The following LINGO2 variants were observed in gnomAD, a reference collection of about 807,000 sequenced individuals.
LINGO2 encodes leucine-rich repeat and immunoglobulin-like domain-containing nogo receptor-interacting protein 2.
Under a neutral mutation model 30.6 loss-of-function variants are expected in LINGO2, and 14 were observed. That is an observed-to-expected ratio of 0.46 (90% confidence interval 0.30 to 0.72). LINGO2 has a LOEUF of 0.72. LINGO2 is among the 30% of genes least tolerant of loss of function. LINGO2 has a pLI of 0.07. For missense variants in LINGO2, 729 were observed against 751.7 expected, an observed-to-expected ratio of 0.97 and a Z score of 0.35; for synonymous variants, 317 against 288.5, an observed-to-expected ratio of 1.10 and a Z score of -1.00.
At chr9:28,080,120 T>C (rs538757163) in intron 4 of LINGO2, among the ~76,000 whole-genome samples, 1 of 152,360 alleles carries the variant, frequency 6.6e-6, no homozygotes, top group South Asian at 2.1e-4. Context: ...AGGCTTTCTA[T>C]CTGATTCTCT....
At chr9:28,288,188 A>G (rs1010307582) in intron 4 of LINGO2, among the ~76,000 whole-genome samples, 34 of 152,260 alleles carry the variant, frequency 2.2e-4, no homozygotes, top group South Asian at 4.1e-4. Flanking sequence ...GTATGTAAAA[A>G]CACTACAGTC....
At chr9:29,045,057 T>C in the LINGO2 span, among the ~76,000 whole-genome samples, 3 of 152,110 alleles carry the variant, frequency 2.0e-5, no homozygotes, top group African/African-American at 7.2e-5. Context: ...GATGAGATTT[T>C]TACAACAGTT....
At chr9:27,974,986 A>G (rs191172445) in intron 5 of LINGO2, among the ~76,000 whole-genome samples, 2 of 152,098 alleles carry the variant, frequency 1.3e-5, no homozygotes, top group East Asian at 1.9e-4. Context: ...CCCCAGACAT[A>G]CTCCACATTG....
At chr9:28,224,477 C>T (rs757605709) in intron 4 of LINGO2, among the ~76,000 whole-genome samples, 5 of 152,118 alleles carry the variant, frequency 3.3e-5, no homozygotes, top group African/African-American at 4.8e-5. Context: ...TATCCATCAT[C>T]GCCACAAATA....
exon 6 of LINGO2, chr9:27,948,783 T>C: frequency 6.6e-7 from 1 of 1,507,484 alleles, no homozygotes; most frequent in Non-Finnish European, 8.9e-7. Flanking sequence ...ATCTAGTAAT[T>C]TACTGTGCCA....
the LINGO2 span, among the ~76,000 whole-genome samples, chr9:28,876,269 C>A: frequency 6.6e-6 from 1 of 151,792 alleles, no homozygotes; most frequent in Non-Finnish European, 1.5e-5. Context: ...TTTTATTATA[C>A]TTTAAGTTTT....
At chr9:28,591,737 A>G (rs2135709121) in intron 1 of LINGO2, among the ~76,000 whole-genome samples, 1 of 152,100 alleles carries the variant, frequency 6.6e-6, no homozygotes, top group Middle Eastern at 3.4e-3. Context: ...AAGATTCCAA[A>G]GTGGCAAGAT....
chr9:29,116,135 G>T, the LINGO2 span, among the ~76,000 whole-genome samples: 1 of 151,956 alleles, frequency 6.6e-6, no homozygotes, highest in Non-Finnish European at 1.5e-5. Context: ...AATCATTATG[G>T]AGGAGTGATT....
At chr9:28,436,028 T>C (rs951203467) in intron 2 of LINGO2, among the ~76,000 whole-genome samples, 4 of 152,194 alleles carry the variant, frequency 2.6e-5, no homozygotes, top group African/African-American at 9.6e-5. Flanking sequence ...AGAAAGCAGT[T>C]ACCAAGATTA....
the LINGO2 span, among the ~76,000 whole-genome samples, chr9:28,798,715 T>C: frequency 1.3e-5 from 2 of 152,212 alleles, no homozygotes; most frequent in Admixed American, 6.5e-5. Flanking sequence ...AGCTGCACGG[T>C]TGCAGGCACA....
chr9:29,182,249 A>C, the LINGO2 span, among the ~76,000 whole-genome samples: 1 of 152,194 alleles, frequency 6.6e-6, no homozygotes, highest in African/African-American at 2.4e-5. Context: ...TTTCAGGAAC[A>C]TATCTCTAAC....
chr9:28,534,551 T>G (rs1821353802), intron 1 of LINGO2, among the ~76,000 whole-genome samples: 2 of 152,310 alleles, frequency 1.3e-5, no homozygotes, highest in African/African-American at 4.8e-5. Flanking sequence ...CTCCAAAAAC[T>G]TGTCATTCTT....
chr9:28,414,285 G>C (rs1211451394), intron 2 of LINGO2, among the ~76,000 whole-genome samples: 1 of 151,992 alleles, frequency 6.6e-6, no homozygotes, highest in African/African-American at 2.4e-5. Context: ...TCATTATTTT[G>C]TTCTAGCCCT....
rs528584169 is a variant in LINGO2 at position 28,479,845 on chromosome 9, CTGTGTGTGTG to C, written c.-364-3830_-364-3821del. ...GTCTTAACTACTGGAACCATGTCATCTGTGTGTGTGTGTGTGTGTGTGTGTGTGTGTGTGT... is the reference window on the plus strand; with the variant it reads ...GTCTTAACTACTGGAACCATGTCATCTGTGTGTGTGTGTGTGTGTGTGTGT... On this transcript the variant is annotated intron_variant, in intron 1 of 5. Transcript: ENST00000379992. Among the ~76,000 whole-genome samples the C allele has an allele frequency of 5.1e-3, 308 of 60,154 alleles. 4 individuals are homozygous for C. The highest frequency in any genetic ancestry group is 0.016 in the African/African-American group (293 of 18,890). The allele number at this position is 60,154 out of a possible 152,430, so 39.5% of individuals were successfully genotyped here.
intron 4 of LINGO2, among the ~76,000 whole-genome samples, chr9:28,077,389 A>T (rs1471083148): frequency 6.6e-6 from 1 of 152,220 alleles, no homozygotes; most frequent in African/African-American, 2.4e-5. Flanking sequence ...CCCATTTTGT[A>T]TACTATCTTA....
chr9:28,632,881 T>TATAG lies in LINGO2; in HGVS notation c.-365+37318_-365+37319insCTAT, dbSNP rs1554648086. 3.4e-3 allele frequency among the ~76,000 whole-genome samples: 210 copies of TATAG among 61,890 alleles called. 4 individuals carry two copies. Among genetic ancestry groups the TATAG allele is most frequent in the African/African-American group, 0.014 (200 of 14,458 alleles). 40.6% of individuals were successfully genotyped at this position (61,890 alleles called of 152,430 possible). ...TTATATATATATATATATATATATG[T>TATAG]AGAGAGAGAGAGAGAGAGAGAGAGA... is the stretch of plus-strand genomic sequence containing the variant. On this transcript the variant is annotated intron_variant, in intron 1 of 5. Coordinates refer to ENST00000379992, the Ensembl canonical transcript of LINGO2.
intron 4 of LINGO2, among the ~76,000 whole-genome samples, chr9:28,163,536 A>G (rs1828344848): frequency 6.6e-6 from 1 of 152,224 alleles, no homozygotes; most frequent in African/African-American, 2.4e-5. Flanking sequence ...GAAGTAAGAT[A>G]GGAAGAATTG....
chr9:28,857,594 A>G, the LINGO2 span, among the ~76,000 whole-genome samples: 1 of 152,048 alleles, frequency 6.6e-6, no homozygotes, highest in Non-Finnish European at 1.5e-5. Flanking sequence ...CGTGAGCTAG[A>G]CACATAAGGA....
the LINGO2 span, among the ~76,000 whole-genome samples, chr9:28,992,192 C>CA: frequency 0.022 from 3,380 of 150,914 alleles, 133 homozygotes; most frequent in African/African-American, 0.078. Flanking sequence ...AAATGGAAAA[C>CA]AAAAAAAGGC....
Sources: allele counts gnomAD v4.1 joint callset (sites outside exome capture counted in the v4.1 genomes callset), GRCh38; gene constraint gnomAD v4.1.1; transcripts MANE v1.5; gene names NCBI Gene and HGNC (gene_info 2026-07-23, HGNC 2026-07-21).